The following ASIC2 variants were observed in gnomAD, a reference collection of about 807,000 sequenced individuals.
ASIC2 encodes the protein acid sensing ion channel subunit 2.
In ASIC2, 25 loss-of-function variants were observed where a neutral mutation model predicts 57.3. That is an observed-to-expected ratio of 0.44 (90% CI 0.32 to 0.61). The LOEUF is 0.61. Among genes scored for constraint, ASIC2 ranks in the 20% least tolerant of loss-of-function variants. The probability of loss-of-function intolerance (pLI) is 0.06; values close to 1 mark genes in which losing one functional copy is unlikely to be tolerated. For synonymous variants in ASIC2, 319 were observed against 307.5 expected (o/e 1.04, Z -0.39); for missense variants, 641 against 738.1 (o/e 0.87, Z 1.52).
At chr17:33,816,916 C>T (rs1442165731) in intron 1 of ASIC2, among the ~76,000 whole-genome samples, 1 of 152,226 alleles carries the variant, frequency 6.6e-6, no homozygotes, top group South Asian at 2.1e-4. Context: ...ATAAAGCAAA[C>T]CAGTGATTGC....
intron 1 of ASIC2, among the ~76,000 whole-genome samples, chr17:33,290,492 A>T (rs967863326): frequency 6.6e-6 from 1 of 152,242 alleles, no homozygotes; most frequent in Non-Finnish European, 1.5e-5. Flanking sequence ...AGACTGCACA[A>T]GGCAGATACC....
At chr17:33,580,690 G>A (rs565525543) in intron 1 of ASIC2, among the ~76,000 whole-genome samples, 36 of 152,228 alleles carry the variant, frequency 2.4e-4, no homozygotes, top group Middle Eastern at 3.4e-3. Context: ...TGTGACCCTG[G>A]GGTCCCCAGG....
chr17:33,377,059 G>T (rs76874547), intron 1 of ASIC2, among the ~76,000 whole-genome samples: 25 of 152,046 alleles, frequency 1.6e-4, no homozygotes, highest in Admixed American at 3.3e-4. Context: ...TTTTTTGGAG[G>T]GGGGGAGCGG....
At chr17:33,699,907 C>G (rs909980494) in intron 1 of ASIC2, among the ~76,000 whole-genome samples, 1 of 152,100 alleles carries the variant, frequency 6.6e-6, no homozygotes, top group African/African-American at 2.4e-5. Context: ...ACAGGACTTT[C>G]GTTTTTAGCA....
intron 1 of ASIC2, among the ~76,000 whole-genome samples, chr17:33,189,309 A>G (rs958692242): frequency 3.3e-5 from 5 of 152,194 alleles, no homozygotes; most frequent in Non-Finnish European, 5.9e-5. Context: ...ACTAAAACAG[A>G]AAGCGAAGAG....
chr17:33,879,502 C>A (rs1238452877), intron 1 of ASIC2, among the ~76,000 whole-genome samples: 2 of 152,082 alleles, frequency 1.3e-5, no homozygotes, highest in Non-Finnish European at 2.9e-5. Flanking sequence ...TCAAAAGAGA[C>A]AAAGAAGGCC....
At chr17:33,592,515 G>C (rs1169891863) in intron 1 of ASIC2, among the ~76,000 whole-genome samples, 1 of 152,238 alleles carries the variant, frequency 6.6e-6, no homozygotes. Context: ...TACCATCACT[G>C]ATAACATCCA....
intron 1 of ASIC2, chr17:34,069,430 AT>A (rs1392869086): frequency 1.3e-4 from 10 of 76,900 alleles, no homozygotes; most frequent in African/African-American, 5.1e-4. Context: ...TCTTTTCTTC[AT>A]TTCTTTCTTT....
chr17:33,673,456 T>TA (rs1213809931), intron 1 of ASIC2, among the ~76,000 whole-genome samples: 1 of 152,160 alleles, frequency 6.6e-6, no homozygotes, highest in Non-Finnish European at 1.5e-5. Flanking sequence ...AGTCATATAA[T>TA]ATCAGAGCTG....
intron 1 of ASIC2, among the ~76,000 whole-genome samples, chr17:33,306,468 C>A (rs550546876): frequency 1.3e-5 from 2 of 152,218 alleles, no homozygotes; most frequent in South Asian, 4.2e-4. Context: ...CAGTTTTACT[C>A]GTGGGAAGAG....
At chr17:33,218,870 G>C (rs544002411) in intron 1 of ASIC2, among the ~76,000 whole-genome samples, 194 of 152,128 alleles carry the variant, frequency 1.3e-3, no homozygotes, top group African/African-American at 4.2e-3. Context: ...ATAACAGGGC[G>C]GGGGGGCTAC....
chr17:33,485,114 A>C (rs1431000493), intron 1 of ASIC2, among the ~76,000 whole-genome samples: 2 of 152,260 alleles, frequency 1.3e-5, no homozygotes, highest in Non-Finnish European at 2.9e-5. Flanking sequence ...CCTGCCCTGC[A>C]ACATAGTCAC....
chr17:34,017,428 AC>A (rs1370560917), intron 1 of ASIC2, among the ~76,000 whole-genome samples: 20 of 152,292 alleles, frequency 1.3e-4, no homozygotes, highest in Middle Eastern at 3.4e-3. Flanking sequence ...CTAATTAAGA[AC>A]CCTACAATGC....
intron 1 of ASIC2, among the ~76,000 whole-genome samples, chr17:33,789,281 T>A (rs11870438): frequency 0.013 from 2,004 of 152,294 alleles, 38 homozygotes; most frequent in African/African-American, 0.045. Context: ...ATACAAGATA[T>A]CTCACAGGAG....
chr17:33,735,901 G>T (rs560036061), intron 1 of ASIC2, among the ~76,000 whole-genome samples: 1 of 152,176 alleles, frequency 6.6e-6, no homozygotes, highest in South Asian at 2.1e-4. Flanking sequence ...CTAAGCTCAA[G>T]ATCTCTGTTT....
Position 33,220,666 on chromosome 17 carries a change from G to A in ASIC2, c.708+70742C>T, listed in dbSNP as rs143434419. On this transcript the variant is annotated intron_variant, in intron 1 of 9. Transcript: ENST00000225823. ...TACAAAGCACCCGGCCTAATTCCTG[G>A]TCAATACATGTTATTGATCTCACCT... Among the ~76,000 whole-genome samples the A allele has an allele frequency of 8.5e-5, 13 of 152,136 alleles. No homozygotes were observed. In the East Asian group the frequency reaches 2.3e-3, roughly 27 times the overall value.
At chr17:33,532,773 T>C (rs993460093) in intron 1 of ASIC2, among the ~76,000 whole-genome samples, 2 of 152,220 alleles carry the variant, frequency 1.3e-5, no homozygotes, top group Non-Finnish European at 2.9e-5. Context: ...CAGCCCAAGA[T>C]AGCCTCGATA....
At chr17:33,518,172 T>A (rs1300432101) in intron 1 of ASIC2, among the ~76,000 whole-genome samples, 1 of 152,216 alleles carries the variant, frequency 6.6e-6, no homozygotes, top group Non-Finnish European at 1.5e-5. Flanking sequence ...TGGCTATCAG[T>A]CCTGAGCTCC....
intron 1 of ASIC2, among the ~76,000 whole-genome samples, chr17:34,076,010 AT>A (rs1202723579): frequency 1.1e-4 from 15 of 142,410 alleles, no homozygotes; most frequent in Admixed American, 1.4e-4. Flanking sequence ...TTTTATTTTT[AT>A]TTTTTTTTTG....
Sources: gnomAD v4.1 joint callset for allele counts (sites outside exome capture counted in the v4.1 genomes callset) on GRCh38, gnomAD v4.1.1 for gene constraint, MANE v1.5 for transcripts, NCBI Gene and HGNC (gene_info 2026-07-23, HGNC 2026-07-21) for gene names.